Variants in ANAPC1 observed in about 807,000 individuals in gnomAD.
The protein encoded by ANAPC1 is anaphase-promoting complex subunit 1.
ANAPC1 carries 36 observed loss-of-function variants against 208.0 expected under a neutral mutation model. The ratio of observed to expected loss-of-function variants is 0.17; its 90% CI spans 0.13 to 0.23. The LOEUF (loss-of-function observed/expected upper bound fraction) is 0.23. ANAPC1 is among the 10% of genes least tolerant of loss of function. The pLI, the probability that ANAPC1 is intolerant of heterozygous loss-of-function variation, is 1.00. For synonymous variants in ANAPC1, 378 were observed against 695.2 expected (o/e 0.54, Z 7.18); for missense variants, 942 against 2,011.6 (o/e 0.47, Z 10.17).
chr2:111,834,527 A>C, intron 19 of ANAPC1, 77 bp downstream of exon 19: 8 of 846,444 alleles, frequency 9.5e-6, no homozygotes, highest in East Asian at 6.8e-5. Flanking sequence ...AGGTCCCTAT[A>C]TGATACAAGG....
chr2:111,779,868 A>T (rs1339693934), intron 44 of ANAPC1: 3 of 228,352 alleles, frequency 1.3e-5, no homozygotes, highest in African/African-American at 4.7e-5. Context: ...ACAAAAAAAT[A>T]AAGAAAAATC....
chr2:111,828,445 T>C (rs191456150), intron 21 of ANAPC1, among the ~76,000 whole-genome samples: 8 of 152,266 alleles, frequency 5.3e-5, no homozygotes, highest in South Asian at 2.1e-4. Context: ...ACCAGGTATA[T>C]ATTAAAAAGA....
intron 13 of ANAPC1, among the ~76,000 whole-genome samples, chr2:111,855,230 C>G (rs193169277): frequency 6.6e-6 from 1 of 152,290 alleles, no homozygotes; most frequent in Admixed American, 6.5e-5. Flanking sequence ...TATATGGGTA[C>G]AGTTCGTGGT....
chr2:111,871,649 G>A (rs1362629989), intron 6 of ANAPC1, among the ~76,000 whole-genome samples: 1 of 152,108 alleles, frequency 6.6e-6, no homozygotes, highest in Admixed American at 6.5e-5. Flanking sequence ...TTACTCAGGA[G>A]GCTGAAGCAG....
At chr2:111,819,111 T>C (rs1477491302) in intron 26 of ANAPC1, 153 bp from the exon 27 acceptor site, 2 of 898,740 alleles carry the variant, frequency 2.2e-6, no homozygotes, top group Non-Finnish European at 2.7e-6. Context: ...TACCCAAACA[T>C]GATTATTTTC....
intron 21 of ANAPC1, 88 bp downstream of exon 21, chr2:111,831,198 C>T (rs764898667): frequency 2.1e-6 from 3 of 1,426,722 alleles, no homozygotes; most frequent in Non-Finnish European, 2.8e-6. Flanking sequence ...CAGAACTATA[C>T]ACAGAAAAAA....
chr2:111,861,757 T>C (rs1682079545), intron 10 of ANAPC1, among the ~76,000 whole-genome samples: 1 of 112,124 alleles, frequency 8.9e-6, no homozygotes, highest in South Asian at 3.7e-4. Context: ...GGCACTCAAC[T>C]AACATGAACA....
chr2:111,867,707 C>T (rs537847534), intron 7 of ANAPC1, among the ~76,000 whole-genome samples: 87 of 148,066 alleles, frequency 5.9e-4, no homozygotes, highest in Non-Finnish European at 1.2e-3. Context: ...AAAAAAAACC[C>T]AAAACAACAA....
In ANAPC1 at chr2:111,794,150, A is replaced by G; in HGVS notation, c.4465-19T>C. 6.8e-7 allele frequency: 1 copy of G among 1,480,150 alleles called. No homozygotes were observed. The highest frequency in any genetic ancestry group is 9.2e-7 in the Non-Finnish European group (1 of 1,091,334). 91.7% of individuals were successfully genotyped at this position (1,480,150 alleles called of 1,614,324 possible). Reference sequence around the variant, plus strand: ...ATTTATGCTAGAAAAACAAAAGAAAAAATTCCAAGTTATAAGAAGCATCTT... The same window carrying G: ...ATTTATGCTAGAAAAACAAAAGAAAGAATTCCAAGTTATAAGAAGCATCTT... On this transcript the variant is annotated intron_variant, in intron 36 of 47. Transcript: ENST00000341068.
At chr2:111,784,024 A>C in intron 41 of ANAPC1, 60 bp from the exon 42 acceptor site, 1 of 724,354 alleles carries the variant, frequency 1.4e-6, no homozygotes, top group Non-Finnish European at 2.4e-6. Flanking sequence ...CATCTGACAA[A>C]CTGAAACCTA....
At chr2:111,869,015 G>A (rs1213130889) in intron 6 of ANAPC1, among the ~76,000 whole-genome samples, 2 of 152,172 alleles carry the variant, frequency 1.3e-5, no homozygotes, top group Admixed American at 6.5e-5. Context: ...ATAATTCATA[G>A]GGGGCAAGAT....
intron 28 of ANAPC1, among the ~76,000 whole-genome samples, chr2:111,813,284 T>G (rs924202019): frequency 1.9e-4 from 26 of 136,162 alleles, no homozygotes; most frequent in African/African-American, 6.9e-4. Context: ...CCCTTAGCTG[T>G]ACCTAGGGAG....
At chr2:111,879,043 T>C in intron 2 of ANAPC1, 72 bp from the exon 3 acceptor site, 1 of 1,520,834 alleles carries the variant, frequency 6.6e-7, no homozygotes. Context: ...GAACAAAATT[T>C]ATTTGCCCAT....
At position 111,880,822 on chromosome 2, in the gene ANAPC1, A is replaced by T. The variant is rs34652745; in HGVS notation, c.4T>A (p.Ser2Thr). Residue 2 changes from serine to threonine, a missense_variant, in exon 2 of 48, where the codon TCG (serine) becomes ACG (threonine). Transcript: ENST00000341068. ...GTTGTCCTTTCTTCATAGAAGTTCG[A>T]CATGGGTTCCAAATATCAACATTAT... M[S>T]NFYEERTTMI... 6.3e-5 allele frequency: 101 copies of T among 1,613,688 alleles called. 1 individual carries two copies. Among genetic ancestry groups the T allele is most frequent in the Middle Eastern group, 3.3e-4 (2 of 6,048 alleles).
At chr2:111,795,387 A>T (rs530771617) in intron 34 of ANAPC1, among the ~76,000 whole-genome samples, 34 of 149,302 alleles carry the variant, frequency 2.3e-4, no homozygotes, top group Admixed American at 4.1e-4. Context: ...ATCTCAAAAA[A>T]AAAAATAATA....
intron 6 of ANAPC1, among the ~76,000 whole-genome samples, chr2:111,870,685 A>C (rs1010422381): frequency 6.6e-6 from 1 of 152,088 alleles, no homozygotes; most frequent in Non-Finnish European, 1.5e-5. Context: ...TGCTGTGCAG[A>C]AGCTTTTTAT....
rs1415688111 is a variant in ANAPC1, at chr2:111,856,782, T to C, written c.1449+14A>G. On this transcript the variant is annotated intron_variant, in intron 12 of 47. Transcript: ENST00000341068. ...GAAGCGTAATTGTCAACTTCTCAAA[T>C]GTGCCTACATTACCTCCACTGGTGC... The C allele has an allele frequency of 1.2e-6, 2 of 1,613,518 alleles. No individual in the cohort carries two copies. Among genetic ancestry groups the C allele is most frequent in the Non-Finnish European group, 1.7e-6 (2 of 1,179,806 alleles).
At chr2:111,841,697 G>A (rs1241890151) in intron 17 of ANAPC1, among the ~76,000 whole-genome samples, 1 of 152,252 alleles carries the variant, frequency 6.6e-6, no homozygotes, top group South Asian at 2.1e-4. Flanking sequence ...AAGTCACTGG[G>A]GGATTCTACG....
At chr2:111,833,110 C>T in intron 20 of ANAPC1, 110 bp downstream of exon 20, 1 of 1,394,380 alleles carries the variant, frequency 7.2e-7, no homozygotes. Flanking sequence ...AGGCACTGCC[C>T]CTGACTTAGA....
Sources: gnomAD v4.1 joint callset for allele counts (sites outside exome capture counted in the v4.1 genomes callset) on GRCh38, gnomAD v4.1.1 for gene constraint, MANE v1.5 for transcripts, NCBI Gene and HGNC (gene_info 2026-07-23, HGNC 2026-07-21) for gene names.